The following DDX39B variants were observed in gnomAD, a reference collection of about 807,000 sequenced individuals.
DDX39B encodes spliceosome RNA helicase DDX39B.
DDX39B carries 6 observed loss-of-function variants against 46.4 expected under a neutral mutation model. That is an observed-to-expected ratio of 0.13 (90% CI 0.07 to 0.26). The LOEUF is 0.26. DDX39B is among the 10% of genes least tolerant of loss of function. DDX39B has a pLI of 1.00. For missense variants in DDX39B, 185 were observed against 553.4 expected (o/e 0.33, Z 6.68); for synonymous variants, 174 against 199.4 (o/e 0.87, Z 1.07).
In DDX39B at chr6:31,535,061, G is replaced by T; in HGVS notation, c.735+306C>A. 1 of 439,910 alleles carries T rather than the reference G, an allele frequency of 2.3e-6. No individual in the cohort carries two copies. The highest frequency in any genetic ancestry group is 4.3e-5 in the East Asian group (1 of 23,246). The allele number at this position is 439,910 out of a possible 1,614,324, so 27.3% of individuals were successfully genotyped here. On this transcript the variant is annotated intron_variant, in intron 6 of 10. Coordinates refer to ENST00000396172, the MANE Select transcript of DDX39B (RefSeq NM_004640.7). This position sits in a 1 kb window ranked among gnomAD's most constrained non-coding sequence, Gnocchi z 4.6. ...AGACGATGGATGGGTGGGTGGTAGG[G>T]CAGAAAAATCCTGCCCTCCCCCAAA... is the stretch of plus-strand genomic sequence containing the variant.
intron 1 of DDX39B, chr6:31,540,916 A>C: frequency 2.5e-6 from 1 of 404,340 alleles, no homozygotes; most frequent in Non-Finnish European, 4.7e-6. Flanking sequence ...GAAGGGGAAG[A>C]CCAACTTATA....
chr6:31,531,557 G>C lies in DDX39B; in HGVS notation c.868-152C>G, dbSNP rs1329435324. ...ATTCCCCCACTATATATTTAGAGCA[G>C]AAAAGGAAATATAACTTTACTTCAG... On this transcript the variant is annotated intron_variant, in intron 7 of 10. Coordinates refer to ENST00000396172, the MANE Select transcript of DDX39B (RefSeq NM_004640.7). This position sits in a 1 kb window ranked among gnomAD's most constrained non-coding sequence, Gnocchi z 5.8. The C allele has an allele frequency of 2.9e-6, 2 of 687,722 alleles. No homozygotes were observed. Among genetic ancestry groups the C allele is most frequent in the African/African-American group, 1.8e-5 (1 of 55,342 alleles). The allele number at this position is 687,722 out of a possible 1,614,324, so 42.6% of individuals were successfully genotyped here.
chr6:31,532,977 T>TG, intron 6 of DDX39B, 66 bp from the exon 7 acceptor site: 2 of 178,186 alleles, frequency 1.1e-5, no homozygotes, highest in South Asian at 3.6e-5. Flanking sequence ...CCTGGGGGGG[T>TG]GGAGGAAGTT....
At chr6:31,532,583 G>A in intron 7 of DDX39B, 197 bp downstream of exon 7, 1 of 618,882 alleles carries the variant, frequency 1.6e-6, no homozygotes, top group South Asian at 2.1e-5. Context: ...AGGTTATTGA[G>A]GACATACCCG....
At position 31,538,708 on chromosome 6, in the gene DDX39B, C is replaced by A. The variant is rs1206781889; in HGVS notation, c.432+55G>T. 8 of 1,503,920 alleles carry A rather than the reference C, an allele frequency of 5.3e-6. No homozygotes were observed. The African/African-American group carries it at 1.1e-4, about 21-fold the overall frequency. 93.2% of individuals were successfully genotyped at this position (1,503,920 alleles called of 1,614,324 possible). ...AAAGAGACTATTGGCCTACAAGTTT[C>A]TTATCCCTCCAACTTGCCACACCCT... On this transcript the variant is annotated intron_variant, in intron 4 of 10. Coordinates refer to ENST00000396172, the MANE Select transcript of DDX39B (RefSeq NM_004640.7).
chr6:31,533,906 T>A (rs1337338516), intron 6 of DDX39B: 2 of 152,362 alleles, frequency 1.3e-5, no homozygotes, highest in African/African-American at 2.4e-5. Flanking sequence ...TTTTATACTA[T>A]CCTGGGGGAA....
Position 31,535,298 on chromosome 6 carries a change from GA to G in DDX39B, c.735+68del. On this transcript the variant is annotated intron_variant, in intron 6 of 10. Coordinates refer to ENST00000396172, the MANE Select transcript of DDX39B (RefSeq NM_004640.7). This position sits in a 1 kb window ranked among gnomAD's most constrained non-coding sequence, Gnocchi z 4.6. Reference sequence around the variant, plus strand: ...CACTTGAATGACAAGGGAGTCTGAGGAAGAGGGCGAGGAAGGGGAGGAGGCA... The same window carrying G: ...CACTTGAATGACAAGGGAGTCTGAGGAGAGGGCGAGGAAGGGGAGGAGGCA... 3 of 1,461,350 alleles carry G rather than the reference GA, an allele frequency of 2.1e-6. No individual in the cohort carries two copies. The highest frequency in any genetic ancestry group is 2.9e-6 in the Non-Finnish European group (3 of 1,041,942). The allele number at this position is 1,461,350 out of a possible 1,614,324, so 90.5% of individuals were successfully genotyped here.
chr6:31,540,752 A>T, intron 1 of DDX39B, 88 bp from the exon 2 acceptor site: 1 of 581,814 alleles, frequency 1.7e-6, no homozygotes, highest in Non-Finnish European at 3.0e-6. Context: ...CTTTCCCTAA[A>T]CCAGGAAACT....
rs766724922 is a variant in DDX39B, at chr6:31,540,368, C to T, written c.165G>A (p.Glu55=). 13 of 1,614,090 alleles carry T rather than the reference C, an allele frequency of 8.1e-6. No individual in the cohort carries two copies. Among genetic ancestry groups the T allele is most frequent in the African/African-American group, 1.3e-5 (1 of 74,940 alleles). ...CACAGTCGACAATGGCCCGGAGCAA[C>T]TCTGGCTTGAGCAGGAAGTCACGAA... ...SGFRDFLLKP[E]LLRAIVDCGF... Residue 55 remains glutamate (E), a synonymous_variant, in exon 2 of 11, where the codon GAG becomes GAA. Coordinates refer to ENST00000396172, the MANE Select transcript of DDX39B (RefSeq NM_004640.7).
chr6:31,536,787 C>A, intron 4 of DDX39B, 104 bp from the exon 5 acceptor site: 1 of 1,403,944 alleles, frequency 7.1e-7, no homozygotes, highest in South Asian at 1.4e-5. Flanking sequence ...AGCATGTTTC[C>A]AAACTAAAAC....
In DDX39B at chr6:31,532,923, GAA is replaced by G; in HGVS notation, c.736-14_736-13del. The stretch of plus-strand genomic sequence containing the variant: ...AAGATCTCCATTGGCTGGGGGGGAG[GAA>G]GGGGGTGGGGAACGGGAGGAGGGCA... On this transcript the variant is annotated splice_polypyrimidine_tract_variant and intron_variant, in intron 6 of 10. Coordinates refer to ENST00000396172, the MANE Select transcript of DDX39B (RefSeq NM_004640.7). The G allele has an allele frequency of 1.5e-6, 1 of 673,886 alleles. No homozygotes were observed. The highest frequency in any genetic ancestry group is 2.1e-5 in the Admixed American group (1 of 47,676). The allele number at this position is 673,886 out of a possible 1,614,324, so 41.7% of individuals were successfully genotyped here.
intron 4 of DDX39B, among the ~76,000 whole-genome samples, chr6:31,537,319 G>A (rs13211189): frequency 0.013 from 2,034 of 152,108 alleles, 15 homozygotes; most frequent in South Asian, 0.047. Flanking sequence ...AAATTTAGCC[G>A]GGAGGCTGAG....
chr6:31,533,601 T>C (rs1767439647), intron 6 of DDX39B: 1 of 152,628 alleles, frequency 6.6e-6, no homozygotes, highest in Non-Finnish European at 1.5e-5. Flanking sequence ...TATCAGTAAG[T>C]GGTGTTAAAA....
Position 31,531,246 on chromosome 6 carries a change from C to T in DDX39B, c.978-49G>A, listed in dbSNP as rs749625838. ...ACATGTTGAGATTCCCTTCTCTCAA[C>T]TGTCTTTTTCTCCCAAGGACACAAA... On this transcript the variant is annotated intron_variant, in intron 8 of 10. Transcript: ENST00000396172. The surrounding 1 kb of genome is among the most constrained non-coding windows in gnomAD (Gnocchi z 5.8). The T allele has an allele frequency of 1.2e-6, 2 of 1,614,092 alleles. No individual in the cohort carries two copies. The highest frequency in any genetic ancestry group is 1.1e-5 in the South Asian group (1 of 91,066).
At position 31,530,257 on chromosome 6, in the gene DDX39B, T is replaced by C; in HGVS notation, c.*177A>G. 2.3e-6 allele frequency: 2 copies of C among 876,524 alleles called. No individual in the cohort carries two copies. Among genetic ancestry groups the C allele is most frequent in the South Asian group, 3.6e-5 (2 of 55,192 alleles). 54.3% of individuals were successfully genotyped at this position (876,524 alleles called of 1,614,324 possible). ...AGACACATGTGTTTCATTTTTAGTT[T>C]TGTTAAAAAAAAATTCTGACAAATC... is the stretch of plus-strand genomic sequence containing the variant. On this transcript the variant is annotated 3_prime_UTR_variant, in exon 11 of 11. Coordinates refer to ENST00000396172, the MANE Select transcript of DDX39B (RefSeq NM_004640.7). This position sits in a 1 kb window ranked among gnomAD's most constrained non-coding sequence, Gnocchi z 4.5.
intron 6 of DDX39B, chr6:31,533,211 AC>A (rs1767384244): frequency 3.1e-6 from 1 of 322,246 alleles, no homozygotes; most frequent in African/African-American, 2.2e-5. Context: ...AGATGCCATT[AC>A]CTCAAATAGA....
intron 2 of DDX39B, 117 bp downstream of exon 2, chr6:31,540,205 G>A: frequency 8.7e-7 from 1 of 1,148,370 alleles, no homozygotes; most frequent in Non-Finnish European, 1.3e-6. Context: ...CACTGCACCT[G>A]GCCCTGATCT....
In DDX39B at chr6:31,531,130, GGCCAAAT is replaced by G; in HGVS notation, c.1038_1044del (p.Phe347GlufsTer8). On this transcript the variant is annotated frameshift_variant, in exon 9 of 11. Coordinates refer to ENST00000396172, the MANE Select transcript of DDX39B (RefSeq NM_004640.7). LOFTEE classifies it high-confidence loss of function. This position sits in a 1 kb window ranked among gnomAD's most constrained non-coding sequence, Gnocchi z 5.8. ...TTCACCCGCTCGATGTCCATGCCTC[GGCCAAAT>G]AGGTTGGTAGCCACAAGAATTCGTC... 1 of 1,614,052 alleles carries G rather than the reference GGCCAAAT, an allele frequency of 6.2e-7. No homozygotes were observed. Among genetic ancestry groups the G allele is most frequent in the South Asian group, 1.1e-5 (1 of 91,064 alleles).
chr6:31,541,888 G>C (rs1367009152), intron 1 of DDX39B, 62 bp downstream of exon 1: 1 of 634,366 alleles, frequency 1.6e-6, no homozygotes, highest in African/African-American at 1.8e-5. Context: ...AGGAACCCAT[G>C]TGACGGGATG....
Sources: allele counts gnomAD v4.1 joint callset (sites outside exome capture counted in the v4.1 genomes callset), GRCh38; gene constraint gnomAD v4.1.1; non-coding constraint Gnocchi (gnomAD v3.1); transcripts MANE v1.5; gene names NCBI Gene and HGNC (gene_info 2026-07-23, HGNC 2026-07-21).